GSDME: variants seen among roughly 807,000 people sequenced by gnomAD.
The protein encoded by GSDME is gasdermin E, also known as gasdermin-E.
In GSDME, 44 loss-of-function variants were observed where a neutral mutation model predicts 47.5. The observed-to-expected ratio is 0.93, with a 90% CI of 0.73 to 1.19. The LOEUF (loss-of-function observed/expected upper bound fraction) is 1.19. Ranked by LOEUF, GSDME falls within the 50% of genes most tolerant of loss-of-function variation. GSDME has a pLI of 0.00. For missense variants in GSDME, 663 were observed against 604.2 expected, an observed-to-expected ratio of 1.10 and a Z score of -1.02; for synonymous variants, 258 against 252.8, an observed-to-expected ratio of 1.02 and a Z score of -0.20.
intron 2 of GSDME, among the ~76,000 whole-genome samples, chr7:24,746,959 C>T (rs570939389): frequency 9.8e-5 from 15 of 152,312 alleles, no homozygotes; most frequent in Admixed American, 2.0e-4. Flanking sequence ...TTCTCGTCAC[C>T]GCCCTAACAC....
intron 5 of GSDME, 142 bp downstream of exon 5, chr7:24,717,112 G>A (rs1260250365): frequency 2.1e-6 from 2 of 951,216 alleles, no homozygotes; most frequent in East Asian, 2.7e-5. Context: ...CCATGTCTTG[G>A]GACAATCTAC....
chr7:24,702,533 C>A, intron 9 of GSDME: 2 of 483,300 alleles, frequency 4.1e-6, no homozygotes, highest in Non-Finnish European at 8.0e-6. Context: ...GGATGAAGTC[C>A]TGGACCTGCT....
At chr7:24,715,419 G>A (rs549753312) in intron 5 of GSDME, 26 of 469,592 alleles carry the variant, frequency 5.5e-5, no homozygotes, top group South Asian at 3.6e-4. Flanking sequence ...TAGTTATCCC[G>A]TCACAATGTC....
the GSDME span, among the ~76,000 whole-genome samples, chr7:24,769,439 T>C: frequency 6.6e-6 from 1 of 152,232 alleles, no homozygotes; most frequent in Non-Finnish European, 1.5e-5. Context: ...CAGAGCATTC[T>C]GTTCTTAACG....
intron 2 of GSDME, among the ~76,000 whole-genome samples, chr7:24,748,308 T>TACCA (rs950077028): frequency 4.6e-5 from 7 of 151,720 alleles, no homozygotes; most frequent in African/African-American, 1.7e-4. Context: ...TACAGGTGCC[T>TACCA]ACCACCTTGC....
At chr7:24,768,997 T>C in the GSDME span, among the ~76,000 whole-genome samples, 1 of 152,248 alleles carries the variant, frequency 6.6e-6, no homozygotes, top group African/African-American at 2.4e-5. The surrounding 1 kb of genome is among the most constrained non-coding windows in gnomAD (Gnocchi z 5.6). Context: ...ACTGCTGTCA[T>C]AGAGCTCATG....
intron 3 of GSDME, among the ~76,000 whole-genome samples, chr7:24,723,073 C>T (rs1789848405): frequency 6.6e-6 from 1 of 152,248 alleles, no homozygotes; most frequent in Admixed American, 6.5e-5. Context: ...GCATCATCCA[C>T]CTAGCAGCAA....
In GSDME at chr7:24,744,245, G is replaced by A. The variant is rs1584101339; in HGVS notation, c.404+317C>T. 3.0e-6 allele frequency: 1 copy of A among 337,826 alleles called. No individual in the cohort carries two copies. The highest frequency in any genetic ancestry group is 3.4e-5 in the South Asian group (1 of 29,774). The allele number at this position is 337,826 out of a possible 1,614,324, so 20.9% of individuals were successfully genotyped here. A position where few individuals can be genotyped will look rare whatever the true frequency, so the allele number is the denominator to read the frequency against. ...GGGTCATGACTTCCTGGCTTCTAAA[G>A]TTAATATTCAAAAATGCAGGACAGA... On this transcript the variant is annotated intron_variant, in intron 3 of 9. Coordinates refer to ENST00000645220, the MANE Select transcript of GSDME (RefSeq NM_001127453.2). This position sits in a 1 kb window ranked among gnomAD's most constrained non-coding sequence, Gnocchi z 4.5.
At chr7:24,751,090 C>T (rs1345986835) in intron 1 of GSDME, among the ~76,000 whole-genome samples, 1 of 152,012 alleles carries the variant, frequency 6.6e-6, no homozygotes, top group Non-Finnish European at 1.5e-5. Context: ...AAAGGGCAAA[C>T]TGAGAAAATA....
rs1027655063 is a variant in GSDME, at chr7:24,707,685, C to T, written c.990+442G>A. The T allele has an allele frequency of 1.0e-3, 51 of 50,910 alleles. No individual in the cohort carries two copies. The East Asian group carries it at 0.47, about 470-fold the overall frequency. 3.2% of individuals were successfully genotyped at this position (50,910 alleles called of 1,614,324 possible). ...TTATAACAGACAGTAAAGGAGAAGA[C>T]ACACACACACACACAGAGGGGAAGC... On this transcript the variant is annotated intron_variant, in intron 7 of 9. Coordinates refer to ENST00000645220, the MANE Select transcript of GSDME (RefSeq NM_001127453.2).
rs898116935 is a variant in GSDME at position 24,724,541 on chromosome 7, A to G, written c.405-5323T>C. On this transcript the variant is annotated intron_variant, in intron 3 of 9. Coordinates refer to ENST00000645220, the MANE Select transcript of GSDME (RefSeq NM_001127453.2). The surrounding 1 kb of genome is among the most constrained non-coding windows in gnomAD (Gnocchi z 4.8). ...TGAGGCAGAGGCGTATATCCTCAAC[A>G]GAAAGGGCCAGCCCCAAAGGAGCAA... The G allele has an allele frequency of 6.6e-6, 1 of 152,354 alleles. No homozygotes were observed. Among genetic ancestry groups the G allele is most frequent in the African/African-American group, 2.4e-5 (1 of 41,452 alleles). The allele number at this position is 152,354 out of a possible 1,614,324, so 9.4% of individuals were successfully genotyped here. A position where few individuals can be genotyped will look rare whatever the true frequency, so the allele number is the denominator to read the frequency against.
intron 5 of GSDME, among the ~76,000 whole-genome samples, chr7:24,715,084 G>T (rs527800732): frequency 1.2e-4 from 18 of 152,208 alleles, no homozygotes; most frequent in Non-Finnish European, 2.5e-4. Context: ...CAGAGGACAG[G>T]ATGCTAAATG....
At position 24,717,772 on chromosome 7, in the gene GSDME, G is replaced by A. The variant is rs1162977693; in HGVS notation, c.577-398C>T. Among the ~76,000 whole-genome samples the A allele has an allele frequency of 2.0e-5, 3 of 152,114 alleles. No homozygotes were observed. In the East Asian group the frequency reaches 5.8e-4, roughly 29 times the overall value. ...TGGACTGGGAGAACCTAGCTGAGAG[G>A]GCCCCCTACCCCGTGCATATCACTC... On this transcript the variant is annotated intron_variant, in intron 4 of 9. Coordinates refer to ENST00000645220, the MANE Select transcript of GSDME (RefSeq NM_001127453.2).
intron 3 of GSDME, 32 bp from the exon 4 acceptor site, chr7:24,719,250 G>A: frequency 6.3e-7 from 1 of 1,599,642 alleles, no homozygotes; most frequent in Non-Finnish European, 8.5e-7. Flanking sequence ...GAGTGGCTTA[G>A]TGCCTCAGGG....
At chr7:24,751,639 T>C (rs1291496319) in intron 1 of GSDME, among the ~76,000 whole-genome samples, 1 of 152,238 alleles carries the variant, frequency 6.6e-6, no homozygotes, top group East Asian at 1.9e-4. Context: ...AGTTCCTTTC[T>C]GATAAGGTGA....
chr7:24,749,092 C>T (rs116832789), intron 2 of GSDME, among the ~76,000 whole-genome samples: 1,641 of 152,234 alleles, frequency 0.011, 30 homozygotes, highest in African/African-American at 0.037. Context: ...TAATGTGTCA[C>T]GTCAGGCCTG....
In GSDME at chr7:24,699,117, T is replaced by C; in HGVS notation, c.1400A>G (p.Lys467Arg). The C allele has an allele frequency of 1.2e-6, 2 of 1,614,140 alleles. No homozygotes were observed. Among genetic ancestry groups the C allele is most frequent in the Non-Finnish European group, 1.7e-6 (2 of 1,180,008 alleles). The change falls in exon 10 of 10, where the codon AAA becomes AGA. Residue 467 changes from lysine to arginine, a missense_variant. Lys to Arg is a conservative substitution (Grantham distance 26). Transcript: ENST00000645220. The stretch of plus-strand genomic sequence containing the variant: ...TTTAGAGTCCTTCAGAATGACAGCT[T>C]TCACAGATGACTTCAGTCTCTCCAG... ...ISLERLKSSV[K>R]AVILKDSKVF...
chr7:24,731,376 C>T (rs553641247), intron 3 of GSDME, among the ~76,000 whole-genome samples: 20 of 152,248 alleles, frequency 1.3e-4, no homozygotes, highest in Admixed American at 1.0e-3. Context: ...ACCAGAGCCC[C>T]GCCGACTTTC....
rs752354361 is a variant in GSDME, at chr7:24,699,074, A to G, written c.1443T>C (p.Leu481=). The change falls in exon 10 of 10, where the codon CTT becomes CTC. Residue 481 remains leucine (L), a synonymous_variant. Coordinates refer to ENST00000645220, the MANE Select transcript of GSDME (RefSeq NM_001127453.2). ...LKDSKVFPLL[L]CITLNGLCAL... is the part of the protein sequence containing the mutation. ...CACAGAGTCCATTCAGGGTTATACAAAGAAGCAGTGGGAAGACTTTAGAGT... is the reference window on the plus strand; with the variant it reads ...CACAGAGTCCATTCAGGGTTATACAGAGAAGCAGTGGGAAGACTTTAGAGT... 92 of 1,614,164 alleles carry G rather than the reference A, an allele frequency of 5.7e-5. No homozygotes were observed. The highest frequency in any genetic ancestry group is 8.9e-5 in the East Asian group (4 of 44,874).
Sources: allele counts gnomAD v4.1 joint callset (sites outside exome capture counted in the v4.1 genomes callset), GRCh38; gene constraint gnomAD v4.1.1; non-coding constraint Gnocchi (gnomAD v3.1); transcripts MANE v1.5; gene names NCBI Gene and HGNC (gene_info 2026-07-23, HGNC 2026-07-21).